The following RNLS variants were observed in gnomAD, a reference collection of about 807,000 sequenced individuals.
The protein encoded by RNLS is renalase, FAD dependent amine oxidase.
In RNLS, 39 loss-of-function variants were observed where a neutral mutation model predicts 39.8. The ratio of observed to expected loss-of-function variants is 0.98; its 90% CI spans 0.76 to 1.28. RNLS has a LOEUF of 1.28. Ranked by LOEUF, RNLS falls within the 50% of genes most tolerant of loss-of-function variation. RNLS has a pLI of 0.00. For synonymous variants in RNLS, 147 were observed against 150.7 expected, an observed-to-expected ratio of 0.98 and a Z score of 0.18; for missense variants, 410 against 413.3, an observed-to-expected ratio of 0.99 and a Z score of 0.07.
At chr10:88,309,668 G>C (rs563131758) in intron 6 of RNLS, among the ~76,000 whole-genome samples, 117 of 152,282 alleles carry the variant, frequency 7.7e-4, no homozygotes, top group Non-Finnish European at 1.2e-3. Flanking sequence ...TAAAAGGATA[G>C]AGTCAAAAGT....
At chr10:88,186,644 T>C in the RNLS span, among the ~76,000 whole-genome samples, 2 of 152,144 alleles carry the variant, frequency 1.3e-5, no homozygotes, top group Admixed American at 1.3e-4. Context: ...AAGTGATATA[T>C]CAGTGCTAAA....
At chr10:88,276,833 T>A (rs1748623223) in intron 6 of RNLS, among the ~76,000 whole-genome samples, 2 of 152,190 alleles carry the variant, frequency 1.3e-5, no homozygotes, top group South Asian at 4.1e-4. Flanking sequence ...AACCTATAAA[T>A]TAATCAGGGG....
chr10:88,534,825 G>A (rs999385357), intron 4 of RNLS, among the ~76,000 whole-genome samples: 5 of 152,126 alleles, frequency 3.3e-5, no homozygotes, highest in Admixed American at 2.0e-4. Flanking sequence ...GGAAATGTGG[G>A]AGTTGGAGGG....
At chr10:88,455,767 T>C (rs960148835) in intron 4 of RNLS, among the ~76,000 whole-genome samples, 1 of 152,168 alleles carries the variant, frequency 6.6e-6, no homozygotes, top group African/African-American at 2.4e-5. Context: ...TGGGAACAGA[T>C]AGTCAACACA....
chr10:88,228,160 G>A, the RNLS span, among the ~76,000 whole-genome samples: 1 of 152,028 alleles, frequency 6.6e-6, no homozygotes, highest in African/African-American at 2.4e-5. Context: ...CCATAAATAT[G>A]TAAAAAATCA....
intron 4 of RNLS, among the ~76,000 whole-genome samples, chr10:88,380,296 T>C (rs1238827389): frequency 1.3e-5 from 2 of 152,024 alleles, no homozygotes; most frequent in South Asian, 2.1e-4. Flanking sequence ...GCTTGCTAGG[T>C]AATAGAGAAA....
At chr10:88,411,550 T>A (rs2133702032) in intron 4 of RNLS, among the ~76,000 whole-genome samples, 1 of 152,164 alleles carries the variant, frequency 6.6e-6, no homozygotes, top group South Asian at 2.1e-4. Context: ...TTTCCAATTC[T>A]GTTTTGTATG....
chr10:88,316,953 C>T (rs537454668), intron 5 of RNLS, among the ~76,000 whole-genome samples: 3 of 152,060 alleles, frequency 2.0e-5, no homozygotes, highest in South Asian at 4.2e-4. Flanking sequence ...AGAATTTAAA[C>T]GTGATCAAAG....
intron 4 of RNLS, among the ~76,000 whole-genome samples, chr10:88,415,197 T>C (rs1039238397): frequency 4.6e-5 from 7 of 152,228 alleles, no homozygotes; most frequent in Non-Finnish European, 1.0e-4. Context: ...AAGGGTTTTG[T>C]GGAATGCTAA....
downstream of RNLS, among the ~76,000 whole-genome samples, chr10:88,282,331 G>C (rs1843042807): frequency 6.6e-6 from 1 of 152,124 alleles, no homozygotes; most frequent in Non-Finnish European, 1.5e-5. Context: ...AACGGGTCAT[G>C]AGGGGCTTGG....
chr10:88,545,388 C>T (rs1848247032), intron 4 of RNLS: 2 of 451,160 alleles, frequency 4.4e-6, no homozygotes, highest in Non-Finnish European at 8.9e-6. Flanking sequence ...AATGGACTCA[C>T]AGTTCCACAT....
chr10:88,398,809 C>G (rs117524685), intron 4 of RNLS, among the ~76,000 whole-genome samples: 2,612 of 152,078 alleles, frequency 0.017, 29 homozygotes, highest in Non-Finnish European at 0.026. Flanking sequence ...AAATTAAAAA[C>G]TTTGTGCTTC....
At chr10:88,363,219 A>C (rs1394098883) in intron 4 of RNLS, among the ~76,000 whole-genome samples, 1 of 152,030 alleles carries the variant, frequency 6.6e-6, no homozygotes, top group African/African-American at 2.4e-5. Context: ...ACAAGGGGGG[A>C]ATAACACACA....
At chr10:88,478,886 T>C (rs1248063407) in intron 4 of RNLS, among the ~76,000 whole-genome samples, 2 of 152,038 alleles carry the variant, frequency 1.3e-5, no homozygotes, top group Non-Finnish European at 2.9e-5. Flanking sequence ...TCTTTCTTTC[T>C]TTCTTTCTCT....
chr10:88,348,548 T>C (rs1404727355), intron 5 of RNLS, among the ~76,000 whole-genome samples: 1 of 152,210 alleles, frequency 6.6e-6, no homozygotes, highest in Non-Finnish European at 1.5e-5. Context: ...CGTTTTAGTA[T>C]GGATGCTGTA....
At chr10:88,235,285 A>G in the RNLS span, among the ~76,000 whole-genome samples, 2 of 151,032 alleles carry the variant, frequency 1.3e-5, no homozygotes, top group Admixed American at 1.3e-4. Flanking sequence ...AAAAAAAAAA[A>G]AAAAAAGAAA....
chr10:88,413,309 C>T (rs189815012), intron 4 of RNLS, among the ~76,000 whole-genome samples: 48 of 152,304 alleles, frequency 3.2e-4, no homozygotes, highest in African/African-American at 1.1e-3. Flanking sequence ...TCATTTATCA[C>T]ATGTGCAAAT....
chr10:88,355,324 T>A (rs1849070169), intron 5 of RNLS, among the ~76,000 whole-genome samples: 1 of 152,134 alleles, frequency 6.6e-6, no homozygotes, highest in East Asian at 1.9e-4. Flanking sequence ...TCTGTTCTGT[T>A]TTTTCCCCAT....
chr10:88,421,577 C>T (rs916295605), intron 4 of RNLS, among the ~76,000 whole-genome samples: 13 of 152,170 alleles, frequency 8.5e-5, no homozygotes. Context: ...CTAATTAGAT[C>T]ACCTGCCTCT....
Sources: gnomAD v4.1 joint callset for allele counts (sites outside exome capture counted in the v4.1 genomes callset) on GRCh38, gnomAD v4.1.1 for gene constraint, MANE v1.5 for transcripts, NCBI Gene and HGNC (gene_info 2026-07-23, HGNC 2026-07-21) for gene names.